Variants in AGTPBP1 observed in about 807,000 individuals in gnomAD.
The protein encoded by AGTPBP1 is cytosolic carboxypeptidase 1.
A neutral mutation model predicts 143.9 loss-of-function variants in AGTPBP1; 70 were observed. The observed-to-expected ratio is 0.49, with a 90% CI of 0.40 to 0.59. The LOEUF is 0.59. AGTPBP1 is among the 20% of genes least tolerant of loss of function. The pLI is 0.00. For missense variants in AGTPBP1, 1,229 were observed against 1,464.5 expected, an observed-to-expected ratio of 0.84 and a Z score of 2.62; for synonymous variants, 463 against 500.2, an observed-to-expected ratio of 0.93 and a Z score of 0.99.
the AGTPBP1 span, among the ~76,000 whole-genome samples, chr9:85,770,081 G>GTGTT: frequency 2.2e-4 from 34 of 152,046 alleles, no homozygotes; most frequent in Admixed American, 2.0e-3. Context: ...GTGTGTGTGT[G>GTGTT]TGTGTGTGTA....
chr9:85,630,941 T>C (rs1484267407), intron 14 of AGTPBP1, among the ~76,000 whole-genome samples: 2 of 152,176 alleles, frequency 1.3e-5, no homozygotes, highest in South Asian at 2.1e-4. Context: ...ACAGTTAAAA[T>C]TGAGGAAGGG....
At chr9:85,741,365 G>T in intron 1 of AGTPBP1, 2 of 985,356 alleles carry the variant, frequency 2.0e-6, no homozygotes, top group South Asian at 4.7e-5. Flanking sequence ...GGAGAGCGGG[G>T]CTGGGCGCGC....
At chr9:85,689,397 G>T (rs967456377) in intron 3 of AGTPBP1, among the ~76,000 whole-genome samples, 1 of 152,070 alleles carries the variant, frequency 6.6e-6, no homozygotes, top group African/African-American at 2.4e-5. Flanking sequence ...GGGTGTAGGG[G>T]TTACAAGAGT....
intron 25 of AGTPBP1, among the ~76,000 whole-genome samples, chr9:85,563,281 A>G (rs1015699693): frequency 1.3e-5 from 2 of 152,196 alleles, no homozygotes; most frequent in African/African-American, 2.4e-5. Flanking sequence ...TGCTTGCTAC[A>G]AAAGGGATAC....
At chr9:85,770,518 T>C in the AGTPBP1 span, 1 of 1,296,036 alleles carries the variant, frequency 7.7e-7, no homozygotes, top group South Asian at 1.2e-5. Flanking sequence ...AGAATATTTT[T>C]CTTATAAAGA....
chr9:85,748,583 A>G, the AGTPBP1 span, among the ~76,000 whole-genome samples: 27 of 152,212 alleles, frequency 1.8e-4, 1 homozygote, highest in Non-Finnish European at 2.6e-4. Flanking sequence ...TCATGGGGGA[A>G]AAATGTAGTT....
chr9:85,614,054 ATTCT>A (rs771949515), intron 17 of AGTPBP1, among the ~76,000 whole-genome samples: 47 of 152,192 alleles, frequency 3.1e-4, no homozygotes, highest in Non-Finnish European at 3.1e-4. Context: ...AAAAAAAGAA[ATTCT>A]TTATTTTTAT....
chr9:85,696,217 T>C (rs921690784), intron 2 of AGTPBP1, among the ~76,000 whole-genome samples: 2 of 152,180 alleles, frequency 1.3e-5, no homozygotes, highest in Non-Finnish European at 2.9e-5. Context: ...AATAGATTTG[T>C]TGCTGATGAT....
At chr9:85,791,557 G>T in the AGTPBP1 span, 71 of 152,114 alleles carry the variant, frequency 4.7e-4, no homozygotes, top group African/African-American at 1.6e-3. Flanking sequence ...AGGGAGACAG[G>T]GGGGAAAGAG....
At chr9:85,712,711 G>A in intron 1 of AGTPBP1, 145 bp from the exon 2 acceptor site, 1 of 405,908 alleles carries the variant, frequency 2.5e-6, no homozygotes, top group Non-Finnish European at 4.3e-6. Flanking sequence ...TGAGTTCTAT[G>A]TGCTTCTACT....
At chr9:85,714,175 G>C (rs1247972301) in intron 1 of AGTPBP1, among the ~76,000 whole-genome samples, 1 of 152,158 alleles carries the variant, frequency 6.6e-6, no homozygotes, top group Non-Finnish European at 1.5e-5. Flanking sequence ...TCTTACTCTT[G>C]GGACTAGATT....
chr9:85,754,618 A>T, the AGTPBP1 span, among the ~76,000 whole-genome samples: 1 of 152,304 alleles, frequency 6.6e-6, no homozygotes, highest in Admixed American at 6.5e-5. Context: ...ACTAATTTTG[A>T]AGTTCAAAGA....
chr9:85,651,363 T>C (rs1833153035), intron 11 of AGTPBP1, among the ~76,000 whole-genome samples: 1 of 152,226 alleles, frequency 6.6e-6, no homozygotes, highest in Non-Finnish European at 1.5e-5. Context: ...ATTTGTATAA[T>C]TTTCATTTTA....
At chr9:85,583,913 C>T (rs1180623352) in intron 23 of AGTPBP1, among the ~76,000 whole-genome samples, 1 of 151,838 alleles carries the variant, frequency 6.6e-6, no homozygotes, top group Admixed American at 6.6e-5. Flanking sequence ...TTCTTAAGTG[C>T]TATGAAGGAG....
intron 6 of AGTPBP1, among the ~76,000 whole-genome samples, chr9:85,674,603 G>C (rs184043655): frequency 6.6e-6 from 1 of 151,742 alleles, no homozygotes; most frequent in African/African-American, 2.4e-5. Flanking sequence ...TTAAATACAA[G>C]AGCTAAAGAA....
At chr9:85,559,323 T>G (rs1228823902) in intron 25 of AGTPBP1, among the ~76,000 whole-genome samples, 1 of 151,904 alleles carries the variant, frequency 6.6e-6, no homozygotes, top group African/African-American at 2.4e-5. Context: ...ACATAATGAA[T>G]AGTCGACAGT....
chr9:85,599,175 G>A (rs866379501), intron 17 of AGTPBP1, among the ~76,000 whole-genome samples: 22 of 150,986 alleles, frequency 1.5e-4, no homozygotes, highest in Middle Eastern at 3.2e-3. Context: ...AGGTGAGAGA[G>A]GGAGAGAGGG....
chr9:85,758,070 G>T, the AGTPBP1 span, among the ~76,000 whole-genome samples: 10 of 152,110 alleles, frequency 6.6e-5, no homozygotes, highest in East Asian at 1.5e-3. Flanking sequence ...CTTAAATTTG[G>T]AAGCCCCCAC....
At chr9:85,715,424 GGAC>G (rs1348179677) in intron 1 of AGTPBP1, among the ~76,000 whole-genome samples, 2 of 152,064 alleles carry the variant, frequency 1.3e-5, no homozygotes, top group Admixed American at 6.6e-5. Flanking sequence ...TCAGAAACAA[GGAC>G]GACAGAGGAA....
Sources: gnomAD v4.1 joint callset for allele counts (sites outside exome capture counted in the v4.1 genomes callset) on GRCh38, gnomAD v4.1.1 for gene constraint, MANE v1.5 for transcripts, NCBI Gene and HGNC (gene_info 2026-07-23, HGNC 2026-07-21) for gene names.